ADAMTS12: variants seen among roughly 807,000 people sequenced by gnomAD.
ADAMTS12 encodes ADAM metallopeptidase with thrombospondin type 1 motif 12.
A neutral mutation model predicts 167.8 loss-of-function variants in ADAMTS12; 118 were observed. The ratio of observed to expected loss-of-function variants is 0.70; its 90% CI spans 0.61 to 0.82. The LOEUF (loss-of-function observed/expected upper bound fraction) is 0.82, where lower values mean the gene tolerates loss of function less well. Among genes scored for constraint, ADAMTS12 ranks in the 40% least tolerant of loss-of-function variants. The probability of loss-of-function intolerance (pLI) is 0.00; values close to 1 mark genes in which losing one functional copy is unlikely to be tolerated. For missense variants in ADAMTS12, 1,916 were observed against 1,998.8 expected (o/e 0.96, Z 0.79); for synonymous variants, 704 against 716.9 (o/e 0.98, Z 0.29).
chr5:33,548,208 T>C (rs1332258309), intron 21 of ADAMTS12, among the ~76,000 whole-genome samples: 1 of 152,236 alleles, frequency 6.6e-6, no homozygotes, highest in African/African-American at 2.4e-5. Flanking sequence ...TTCTCCTTAG[T>C]TCACTTTTCG....
chr5:33,586,172 A>G (rs1425572514), intron 18 of ADAMTS12, among the ~76,000 whole-genome samples: 1 of 152,234 alleles, frequency 6.6e-6, no homozygotes, highest in Non-Finnish European at 1.5e-5. Context: ...GACAAAATCT[A>G]GATAATAAAT....
chr5:33,836,291 T>G (rs1165308808), intron 2 of ADAMTS12, among the ~76,000 whole-genome samples: 1 of 151,914 alleles, frequency 6.6e-6, no homozygotes, highest in Non-Finnish European at 1.5e-5. Flanking sequence ...ACTTGAAAGG[T>G]CCCAGGCAGC....
intron 19 of ADAMTS12, among the ~76,000 whole-genome samples, chr5:33,575,485 A>T (rs1290319635): frequency 6.6e-6 from 1 of 152,202 alleles, no homozygotes; most frequent in African/African-American, 2.4e-5. Flanking sequence ...CCGAATGCCC[A>T]GGCTTCCTAG....
chr5:33,666,185 C>T (rs908075212), intron 5 of ADAMTS12, among the ~76,000 whole-genome samples: 6 of 152,308 alleles, frequency 3.9e-5, no homozygotes, highest in Admixed American at 3.3e-4. Context: ...CTTTAAGATG[C>T]CAAGAACTGG....
At chr5:33,539,370 TG>T (rs1372479116) in intron 22 of ADAMTS12, among the ~76,000 whole-genome samples, 3 of 152,258 alleles carry the variant, frequency 2.0e-5, no homozygotes, top group African/African-American at 7.2e-5. Context: ...GCTGGCCATC[TG>T]GCAAACTGAT....
intron 16 of ADAMTS12, among the ~76,000 whole-genome samples, chr5:33,600,484 T>C (rs1028252708): frequency 9.9e-5 from 15 of 152,226 alleles, no homozygotes; most frequent in Non-Finnish European, 2.9e-5. Context: ...GATTCAAAAA[T>C]TCAGTTTAGA....
At chr5:33,850,908 G>C (rs1418860617) in intron 2 of ADAMTS12, among the ~76,000 whole-genome samples, 1 of 152,134 alleles carries the variant, frequency 6.6e-6, no homozygotes, top group Non-Finnish European at 1.5e-5. Flanking sequence ...CAGAGTTCCT[G>C]AGTTCTATAA....
intron 2 of ADAMTS12, among the ~76,000 whole-genome samples, chr5:33,790,203 T>C (rs1477874822): frequency 6.6e-6 from 1 of 152,216 alleles, no homozygotes; most frequent in Non-Finnish European, 1.5e-5. Flanking sequence ...AGCAGTTCCA[T>C]CTCCCTTTTT....
chr5:33,700,365 A>G (rs1742954863), intron 3 of ADAMTS12, among the ~76,000 whole-genome samples: 1 of 152,354 alleles, frequency 6.6e-6, no homozygotes, highest in Admixed American at 6.5e-5. Flanking sequence ...CAAACTCTTG[A>G]TGGACACAAC....
rs1387888002 is a variant in ADAMTS12, at chr5:33,774,421, G to A, written c.490-22873C>T. Reference sequence around the variant, plus strand: ...TTTTTTTCTAAGCATGATTGTACATGGTGTTATGAAAAAAAAATCAAAACT... The same window carrying A: ...TTTTTTTCTAAGCATGATTGTACATAGTGTTATGAAAAAAAAATCAAAACT... On this transcript the variant is annotated intron_variant, in intron 2 of 23. Transcript: ENST00000504830. 3.9e-5 allele frequency among the ~76,000 whole-genome samples: 6 copies of A among 151,966 alleles called. No individual in the cohort carries two copies. The East Asian group carries it at 1.2e-3, about 29-fold the overall frequency.
chr5:33,760,921 G>GCA (rs1554040725), intron 2 of ADAMTS12, among the ~76,000 whole-genome samples: 5 of 128,360 alleles, frequency 3.9e-5, no homozygotes, highest in African/African-American at 1.1e-4. Context: ...GTGTGTGTGT[G>GCA]CGTATGCGCT....
At chr5:33,545,674 T>C (rs1228079055) in intron 22 of ADAMTS12, among the ~76,000 whole-genome samples, 3 of 152,094 alleles carry the variant, frequency 2.0e-5, no homozygotes, top group Non-Finnish European at 4.4e-5. Flanking sequence ...TGGAATACTA[T>C]GCAGCCATAA....
chr5:33,700,704 T>G (rs758830736), intron 3 of ADAMTS12, among the ~76,000 whole-genome samples: 104 of 152,292 alleles, frequency 6.8e-4, no homozygotes, highest in African/African-American at 2.5e-3. Context: ...TGGGGAAATC[T>G]GAATAAGATC....
At chr5:33,551,134 T>C (rs564675558) in intron 20 of ADAMTS12, among the ~76,000 whole-genome samples, 4 of 152,154 alleles carry the variant, frequency 2.6e-5, no homozygotes, top group Non-Finnish European at 5.9e-5. Flanking sequence ...GGAATAGCCA[T>C]GATTCTAGGG....
intron 20 of ADAMTS12, among the ~76,000 whole-genome samples, chr5:33,555,232 A>G (rs1745436795): frequency 1.3e-5 from 2 of 152,084 alleles, no homozygotes; most frequent in African/African-American, 4.8e-5. Flanking sequence ...CCATCAGAAG[A>G]ATCACTTTTT....
At chr5:33,765,246 A>G (rs1174342995) in intron 2 of ADAMTS12, among the ~76,000 whole-genome samples, 1 of 152,216 alleles carries the variant, frequency 6.6e-6, no homozygotes, top group Non-Finnish European at 1.5e-5. Context: ...ATTTAGCCCT[A>G]AATACTTCAT....
At chr5:33,731,389 A>G (rs1744191224) in intron 3 of ADAMTS12, among the ~76,000 whole-genome samples, 1 of 152,128 alleles carries the variant, frequency 6.6e-6, no homozygotes, top group African/African-American at 2.4e-5. Flanking sequence ...AGTGTTGAAG[A>G]CGACAGCCAT....
chr5:33,682,090 C>T (rs908873266), intron 5 of ADAMTS12, among the ~76,000 whole-genome samples: 1 of 152,144 alleles, frequency 6.6e-6, no homozygotes, highest in Non-Finnish European at 1.5e-5. Flanking sequence ...CTGCAGTAGC[C>T]TATGCAAGAT....
chr5:33,648,822 T>G lies in ADAMTS12; in HGVS notation c.1479A>C (p.Glu493Asp), dbSNP rs756641775. The G allele has an allele frequency of 6.2e-7, 1 of 1,613,956 alleles. No homozygotes were observed. Among genetic ancestry groups the G allele is most frequent in the African/African-American group, 1.3e-5 (1 of 74,924 alleles). ...TATAGCCACCAAGAGGTACACTTAC[T>G]TCTACTTCCTGGCAGAAGGTAGCAT... ...GPNATFCQEV[E>D]NVCQTLWCSV... is the part of the protein sequence containing the mutation. The change falls in exon 9 of 24, where the codon GAA (glutamate) becomes GAC (aspartate). Residue 493 changes from glutamate to aspartate, a missense_variant and splice_region_variant. By Grantham distance (45) the Glu-to-Asp change is conservative. Coordinates refer to ENST00000504830, the MANE Select transcript of ADAMTS12 (RefSeq NM_030955.4).
Sources: gnomAD v4.1 joint callset for allele counts (sites outside exome capture counted in the v4.1 genomes callset) on GRCh38, gnomAD v4.1.1 for gene constraint, MANE v1.5 for transcripts, NCBI Gene and HGNC (gene_info 2026-07-23, HGNC 2026-07-21) for gene names.